The following CA5B variants were observed in gnomAD, a reference collection of about 807,000 sequenced individuals.
CA5B encodes carbonic anhydrase 5B, also known as carbonic anhydrase 5B, mitochondrial.
Under a neutral mutation model 23.1 loss-of-function variants are expected in CA5B, and 15 were observed. The observed-to-expected ratio is 0.65, with a 90% confidence interval of 0.43 to 1.00. The LOEUF is 1.00. Ranked by LOEUF, CA5B falls within the 50% of genes least tolerant of loss-of-function variation. CA5B has a pLI of 0.00. For synonymous variants in CA5B, 84 were observed against 98.5 expected, an observed-to-expected ratio of 0.85 and a Z score of 0.87; for missense variants, 236 against 252.2, an observed-to-expected ratio of 0.94 and a Z score of 0.43.
In CA5B at chrX:15,770,914, C is replaced by G. The variant is rs779230444; in HGVS notation, c.341-1582C>G. Among the ~76,000 whole-genome samples the G allele has an allele frequency of 5.5e-5, 6 of 109,626 alleles. No homozygotes were observed. In the East Asian group the frequency reaches 1.7e-3, roughly 32 times the overall value. ...TCCCGAGGAGCTGGGACTACAGGCA[C>G]CCGCCACCATGCCCAGCTAATTTTT... On this transcript the variant is annotated intron_variant, in intron 3 of 7. Coordinates refer to ENST00000318636, the MANE Select transcript of CA5B (RefSeq NM_007220.4).
chrX:15,745,205 A>AAAGAG (rs1424073108), intron 1 of CA5B, among the ~76,000 whole-genome samples: 1 of 110,526 alleles, frequency 9.0e-6, no homozygotes, highest in African/African-American at 3.3e-5. Context: ...AAAGAAAAGA[A>AAAGAG]AAGAAAAATC....
intron 7 of CA5B, among the ~76,000 whole-genome samples, chrX:15,782,097 G>A (rs765891152): frequency 8.9e-6 from 1 of 111,937 alleles, no homozygotes; most frequent in South Asian, 3.7e-4. Flanking sequence ...TATGCATCAG[G>A]GCTTTCCTTT....
Position 15,767,897 on chromosome X carries a change from C to CTT in CA5B, c.340+3140_340+3141dup, listed in dbSNP as rs59290756. On this transcript the variant is annotated intron_variant, in intron 3 of 7. Transcript: ENST00000318636. ...ACAGGTGTGAGCCACTGCACCTGGCCTTTTTTTTTTTTTTTTTTTGAGATG... is the reference window on the plus strand; with the variant it reads ...ACAGGTGTGAGCCACTGCACCTGGCCTTTTTTTTTTTTTTTTTTTTTGAGATG... 6.5e-3 allele frequency among the ~76,000 whole-genome samples: 337 copies of CTT among 52,243 alleles called. 27 individuals carry two copies. The highest frequency in any genetic ancestry group is 0.021 in the African/African-American group (246 of 11,468). The allele number at this position is 52,243 out of a possible 115,157, so 45.4% of individuals were successfully genotyped here.
chrX:15,780,471 A>G (rs1279475249), intron 7 of CA5B, among the ~76,000 whole-genome samples: 1 of 110,532 alleles, frequency 9.0e-6, no homozygotes, highest in Non-Finnish European at 1.9e-5. Context: ...ATGGGGTTTC[A>G]CTGTGTTGGC....
chrX:15,770,385 T>C (rs1487061683), intron 3 of CA5B, among the ~76,000 whole-genome samples: 3 of 112,326 alleles, frequency 2.7e-5, no homozygotes, highest in Non-Finnish European at 1.9e-5. Context: ...TTATTTGATA[T>C]GTGTTATGAC....
At chrX:15,763,969 T>C (rs945305546) in intron 2 of CA5B, among the ~76,000 whole-genome samples, 2 of 111,832 alleles carry the variant, frequency 1.8e-5, no homozygotes, top group Non-Finnish European at 3.8e-5. Context: ...ATTCAGTTTT[T>C]CCATGTTTTT....
Position 15,784,121 on chromosome X carries a change from CAG to C in CA5B, c.*1458_*1459del, listed in dbSNP as rs1189511114. ...CAGGCTGGTCTTGAACTCCTGACCT[CAG>C]GTGATCCACCCGCCTTGGCCTCCCA... On this transcript the variant is annotated 3_prime_UTR_variant, in exon 8 of 8. Transcript: ENST00000318636. The C allele has an allele frequency of 9.0e-6, 1 of 111,673 alleles. No homozygotes were observed. 9.2% of individuals were successfully genotyped at this position (111,673 alleles called of 1,213,427 possible). A position where few individuals can be genotyped will look rare whatever the true frequency, so the allele number is the denominator to read the frequency against.
At chrX:15,775,922 T>C in intron 6 of CA5B, 1 of 751,940 alleles carries the variant, frequency 1.3e-6, no homozygotes, top group Non-Finnish European at 1.6e-6. Context: ...TCCCTACCTC[T>C]TTCCCTCTCC....
At position 15,782,796 on chromosome X, in the gene CA5B, C is replaced by A; in HGVS notation, c.*132C>A. The A allele has an allele frequency of 2.1e-6, 1 of 475,675 alleles. No homozygotes were observed. Among genetic ancestry groups the A allele is most frequent in the Non-Finnish European group, 3.4e-6 (1 of 294,282 alleles). 39.2% of individuals were successfully genotyped at this position (475,675 alleles called of 1,213,427 possible). A position where few individuals can be genotyped will look rare whatever the true frequency, so the allele number is the denominator to read the frequency against. ...ATGTGCATTTCTTAGCATGAGAGTG[C>A]TTCATCAGTCTTTGAGGAAGGCTAT... On this transcript the variant is annotated 3_prime_UTR_variant, in exon 8 of 8. Transcript: ENST00000318636.
intron 4 of CA5B, among the ~76,000 whole-genome samples, chrX:15,773,620 A>G (rs1236038508): frequency 2.7e-5 from 3 of 110,203 alleles, no homozygotes; most frequent in Admixed American, 9.7e-5. Flanking sequence ...CGTGTTAGCC[A>G]GGATGGTCTC....
At chrX:15,740,839 G>A (rs1278991373) in intron 1 of CA5B, among the ~76,000 whole-genome samples, 1 of 112,097 alleles carries the variant, frequency 8.9e-6, no homozygotes, top group Non-Finnish European at 1.9e-5. Flanking sequence ...TGAGGCGGGT[G>A]GATCGTTTGA....
intron 6 of CA5B, chrX:15,776,014 A>G (rs1931915975): frequency 1.3e-6 from 1 of 753,421 alleles, no homozygotes; most frequent in South Asian, 6.7e-5. Context: ...TTTCTTCTTA[A>G]AAGGACAATT....
intron 4 of CA5B, among the ~76,000 whole-genome samples, chrX:15,773,730 T>G (rs1931867121): frequency 9.0e-6 from 1 of 110,957 alleles, no homozygotes; most frequent in Admixed American, 9.6e-5. Flanking sequence ...TTTTTAAATT[T>G]TTTTGTAGAG....
intron 2 of CA5B, among the ~76,000 whole-genome samples, chrX:15,762,397 G>A (rs1024625092): frequency 4.5e-5 from 5 of 110,944 alleles, no homozygotes; most frequent in African/African-American, 1.6e-4. Context: ...GCTGCCATAC[G>A]TGAGGGATTT....
chrX:15,753,381 G>C (rs925000759), intron 2 of CA5B, among the ~76,000 whole-genome samples: 4 of 112,279 alleles, frequency 3.6e-5, no homozygotes, highest in Non-Finnish European at 7.5e-5. Flanking sequence ...AAATGCTTGA[G>C]TTAAGATAAG....
intron 1 of CA5B, among the ~76,000 whole-genome samples, chrX:15,747,847 GGGACACACAC>G (rs1931267330): frequency 9.0e-6 from 1 of 111,364 alleles, no homozygotes; most frequent in South Asian, 3.8e-4. Flanking sequence ...ATTAACGACA[GGGACACACAC>G]GTGGAGTTCA....
intron 6 of CA5B, chrX:15,776,225 G>A (rs1197619722): frequency 8.7e-6 from 1 of 115,372 alleles, no homozygotes; most frequent in Non-Finnish European, 1.7e-5. Context: ...TGTAGTCCCA[G>A]CTACTTGGGA....
intron 2 of CA5B, among the ~76,000 whole-genome samples, chrX:15,753,478 AT>A (rs1430237674): frequency 8.9e-6 from 1 of 112,430 alleles, no homozygotes; most frequent in Non-Finnish European, 1.9e-5. Flanking sequence ...AACCTCTCTT[AT>A]GGGACCTTAA....
chrX:15,760,320 A>G (rs1026198705), intron 2 of CA5B, among the ~76,000 whole-genome samples: 1 of 110,974 alleles, frequency 9.0e-6, no homozygotes, highest in Non-Finnish European at 1.9e-5. Context: ...CTTGGCAAAA[A>G]ATTGGCTTCA....
Sources: allele counts gnomAD v4.1 joint callset (sites outside exome capture counted in the v4.1 genomes callset), GRCh38; gene constraint gnomAD v4.1.1; transcripts MANE v1.5; gene names NCBI Gene and HGNC (gene_info 2026-07-23, HGNC 2026-07-21).